Variants in SYBU observed in about 807,000 individuals in gnomAD.
The protein encoded by SYBU is GOLSYN A protein.
SYBU carries 21 observed loss-of-function variants against 35.9 expected under a neutral mutation model. The ratio of observed to expected loss-of-function variants is 0.58; its 90% CI spans 0.41 to 0.84. SYBU has a LOEUF of 0.84. SYBU is among the 40% of genes least tolerant of loss of function. The pLI, the probability that SYBU is intolerant of heterozygous loss-of-function variation, is 0.00. For synonymous variants in SYBU, 319 were observed against 324.3 expected, an observed-to-expected ratio of 0.98 and a Z score of 0.18; for missense variants, 768 against 848.2, an observed-to-expected ratio of 0.91 and a Z score of 1.17.
At chr8:109,609,518 C>T (rs1157624981) in intron 3 of SYBU, among the ~76,000 whole-genome samples, 1 of 152,200 alleles carries the variant, frequency 6.6e-6, no homozygotes, top group African/African-American at 2.4e-5. Context: ...GAAGGATACT[C>T]ATATATGTAT....
intron 1 of SYBU, among the ~76,000 whole-genome samples, chr8:109,664,661 A>G (rs567351030): frequency 2.0e-5 from 3 of 152,330 alleles, no homozygotes; most frequent in African/African-American, 7.2e-5. Flanking sequence ...GGAAAAAACC[A>G]TTCTGAAGAA....
At chr8:109,667,159 C>G (rs1361589088) in intron 1 of SYBU, among the ~76,000 whole-genome samples, 1 of 152,084 alleles carries the variant, frequency 6.6e-6, no homozygotes, top group Non-Finnish European at 1.5e-5. Flanking sequence ...CTCTGTCGCC[C>G]AGGCTGGAGT....
At position 109,668,160 on chromosome 8, in the gene SYBU, G is replaced by T. The variant is rs1466246294; in HGVS notation, c.-129+12551C>A. On this transcript the variant is annotated intron_variant, in intron 1 of 5. Transcript: ENST00000408889. Reference sequence around the variant, plus strand: ...GGAAGGAAGAAGAGGCAGAGGGGGAGAGGGGGAGAGAGAGAGAGAGAGAGA... The same window carrying T: ...GGAAGGAAGAAGAGGCAGAGGGGGATAGGGGGAGAGAGAGAGAGAGAGAGA... 2.2e-4 allele frequency among the ~76,000 whole-genome samples: 21 copies of T among 95,130 alleles called. No individual in the cohort carries two copies. The Admixed American group carries it at 2.4e-3, about 11-fold the overall frequency. The allele number at this position is 95,130 out of a possible 152,430, so 62.4% of individuals were successfully genotyped here.
At position 109,575,556 on chromosome 8, in the gene SYBU, C is replaced by T; in HGVS notation, c.1342G>A (p.Ala448Thr). 1 of 1,614,198 alleles carries T rather than the reference C, an allele frequency of 6.2e-7. No homozygotes were observed. Among genetic ancestry groups the T allele is most frequent in the Non-Finnish European group, 8.5e-7 (1 of 1,180,038 alleles). The change falls in exon 7 of 7, where the codon GCC (alanine) becomes ACC (threonine). Residue 448 changes from alanine to threonine, a missense_variant. Physicochemically the swap from Ala to Thr is moderately conservative, Grantham distance 58. Coordinates refer to ENST00000276646, the MANE Select transcript of SYBU (RefSeq NM_001099754.2). ...AGGTCACCAGATTCTGTGGTGGTGG[C>T]TGTCACTATCTCATCGAACAAATCT... is the stretch of plus-strand genomic sequence containing the variant. ...STDLFDEIVT[A>T]TTTESGDLEL...
chr8:109,645,633 G>GTTTTTGTTT (rs1554624997), upstream of SYBU: 4 of 217,794 alleles, frequency 1.8e-5, no homozygotes, highest in African/African-American at 2.7e-5. Flanking sequence ...TTCGTTTTTT[G>GTTTTTGTTT]TTTTTTTTTT....
upstream of SYBU, among the ~76,000 whole-genome samples, chr8:109,685,208 C>G (rs141512538): frequency 1.3e-5 from 2 of 152,132 alleles, no homozygotes; most frequent in African/African-American, 4.8e-5. Context: ...GTGTAAAACA[C>G]TTAAAAAATA....
chr8:109,668,648 G>A (rs533397496), intron 1 of SYBU, among the ~76,000 whole-genome samples: 140 of 152,176 alleles, frequency 9.2e-4, no homozygotes, highest in South Asian at 2.5e-3. Context: ...ATTATTCATG[G>A]TATTACTAAA....
chr8:109,614,467 A>G (rs1349139653), intron 3 of SYBU, among the ~76,000 whole-genome samples: 1 of 152,150 alleles, frequency 6.6e-6, no homozygotes, highest in Non-Finnish European at 1.5e-5. Context: ...GCCTTCATTT[A>G]TTTTCTTCTA....
rs115389670 is a variant in SYBU, at chr8:109,604,803, T to C, written c.427+14039A>G. Among the ~76,000 whole-genome samples, 944 of 152,310 alleles carry C rather than the reference T, an allele frequency of 6.2e-3. 11 individuals are homozygous for C. Among genetic ancestry groups the C allele is most frequent in the African/African-American group, 0.022 (901 of 41,548 alleles). The stretch of plus-strand genomic sequence containing the variant: ...TCCTCTAACGATGAGGGAAAGGGCA[T>C]TGGATGTCAGGCAGTAACCCAGTAT... On this transcript the variant is annotated intron_variant, in intron 3 of 6. Transcript: ENST00000276646.
At chr8:109,616,913 C>T (rs1388895326) in intron 3 of SYBU, among the ~76,000 whole-genome samples, 1 of 151,674 alleles carries the variant, frequency 6.6e-6, no homozygotes. Flanking sequence ...CTGAGGCAGG[C>T]AGATCATTTG....
intron 1 of SYBU, among the ~76,000 whole-genome samples, chr8:109,664,271 A>C (rs1017643719): frequency 6.6e-6 from 1 of 152,116 alleles, no homozygotes; most frequent in Non-Finnish European, 1.5e-5. Flanking sequence ...GTGCTCTATT[A>C]TGTGGGGGAG....
At chr8:109,648,600 T>C (rs898386717), upstream of SYBU, 1 of 152,026 alleles carries the variant, frequency 6.6e-6, no homozygotes, top group Non-Finnish European at 1.5e-5. Flanking sequence ...GAGAAGACAA[T>C]ACAAATGCAC....
intron 1 of SYBU, among the ~76,000 whole-genome samples, chr8:109,666,664 A>G (rs1816764435): frequency 6.6e-6 from 1 of 152,130 alleles, no homozygotes; most frequent in South Asian, 2.1e-4. Flanking sequence ...CTTGCATGCT[A>G]GTGGTGGGGG....
chr8:109,667,515 A>T (rs1816801201), intron 1 of SYBU, among the ~76,000 whole-genome samples: 1 of 152,146 alleles, frequency 6.6e-6, no homozygotes, highest in African/African-American at 2.4e-5. Flanking sequence ...CCACAAAAAA[A>T]AAAAGACGCA....
chr8:109,690,379 G>T (rs1416008296), intron 1 of SYBU, among the ~76,000 whole-genome samples: 3 of 152,182 alleles, frequency 2.0e-5, no homozygotes, highest in Non-Finnish European at 4.4e-5. Context: ...TGTGCCTACT[G>T]AAGAATCTGA....
rs534311667 is a variant in SYBU at position 109,655,325 on chromosome 8, C to T, written c.-129+25386G>A. Among the ~76,000 whole-genome samples, 4 of 152,172 alleles carry T rather than the reference C, an allele frequency of 2.6e-5. No homozygotes were observed. The South Asian group carries it at 8.3e-4, about 32-fold the overall frequency. ...AATAGGATAAAATGATTTTCGGCTT[C>T]GAAAATACTTTTTAGGGAACTATAA... is the stretch of plus-strand genomic sequence containing the variant. On this transcript the variant is annotated intron_variant, in intron 1 of 5. Coordinates refer to the SYBU transcript ENST00000408889.
chr8:109,576,740 C>T (rs1822364697), intron 6 of SYBU, among the ~76,000 whole-genome samples: 1 of 152,134 alleles, frequency 6.6e-6, no homozygotes, highest in African/African-American at 2.4e-5. Context: ...CAGGACAACC[C>T]TATTTCAAGA....
intron 1 of SYBU, among the ~76,000 whole-genome samples, chr8:109,653,519 G>A (rs912125412): frequency 3.3e-5 from 5 of 152,102 alleles, no homozygotes; most frequent in Admixed American, 6.6e-5. Flanking sequence ...CCTATGACCC[G>A]AAGCTGAGCA....
chr8:109,581,655 T>C (rs892308637), intron 4 of SYBU, among the ~76,000 whole-genome samples: 2 of 152,212 alleles, frequency 1.3e-5, no homozygotes, highest in Admixed American at 6.5e-5. Context: ...GACAAACCTT[T>C]CTTTGCAATT....
Sources: gnomAD v4.1 joint callset for allele counts (sites outside exome capture counted in the v4.1 genomes callset) on GRCh38, gnomAD v4.1.1 for gene constraint, MANE v1.5 for transcripts, NCBI Gene and HGNC (gene_info 2026-07-23, HGNC 2026-07-21) for gene names.